FIP1L1: variants seen among roughly 807,000 people sequenced by gnomAD.
FIP1L1 encodes pre-mRNA 3'-end-processing factor FIP1.
FIP1L1 carries 21 observed loss-of-function variants against 84.6 expected under a neutral mutation model. The ratio of observed to expected loss-of-function variants is 0.25; its 90% CI spans 0.18 to 0.36. The LOEUF is 0.36. FIP1L1 is among the 10% of genes least tolerant of loss of function. FIP1L1 has a pLI of 1.00. For synonymous variants in FIP1L1, 263 were observed against 242.3 expected (o/e 1.09, Z -0.80); for missense variants, 526 against 751.1 (o/e 0.70, Z 3.50).
chr4:53,430,476 G>C (rs1766145247), intron 13 of FIP1L1, among the ~76,000 whole-genome samples: 2 of 151,002 alleles, frequency 1.3e-5, no homozygotes, highest in Non-Finnish European at 2.9e-5. Flanking sequence ...AGAGTAGCTG[G>C]TACTACAGGC....
Position 53,444,033 on chromosome 4 carries a change from CT to C in FIP1L1, c.1230-10del, listed in dbSNP as rs754554577. 24 of 1,587,964 alleles carry C rather than the reference CT, an allele frequency of 1.5e-5. No individual in the cohort carries two copies. Among genetic ancestry groups the C allele is most frequent in the Non-Finnish European group, 1.6e-5 (18 of 1,158,788 alleles). ...ATTTGTACCAGACATAAAAATATAT[CT>C]TTTTCTTCAACAGTGGACATTCCTC... is the stretch of plus-strand genomic sequence containing the variant. On this transcript the variant is annotated splice_polypyrimidine_tract_variant and intron_variant, in intron 14 of 17. Transcript: ENST00000337488.
intron 15 of FIP1L1, among the ~76,000 whole-genome samples, chr4:53,451,270 C>CT (rs1021432771): frequency 1.3e-5 from 2 of 151,610 alleles, no homozygotes; most frequent in African/African-American, 4.8e-5. Flanking sequence ...CGCGCCCAGC[C>CT]TGAAAGCTAC....
intron 13 of FIP1L1, among the ~76,000 whole-genome samples, chr4:53,437,844 G>A (rs1466785329): frequency 2.0e-5 from 3 of 152,078 alleles, no homozygotes; most frequent in South Asian, 2.1e-4. Flanking sequence ...TCCAGCCTCA[G>A]CCTCCTGAGT....
intron 5 of FIP1L1, among the ~76,000 whole-genome samples, chr4:53,384,302 C>T (rs1355275180): frequency 2.0e-5 from 3 of 151,786 alleles, no homozygotes; most frequent in Non-Finnish European, 4.4e-5. Context: ...CCAGCTACTC[C>T]AGAGACTAAG....
intron 11 of FIP1L1, among the ~76,000 whole-genome samples, chr4:53,425,484 TC>T (rs1763957677): frequency 6.6e-6 from 1 of 152,112 alleles, no homozygotes; most frequent in South Asian, 2.1e-4. Context: ...ATTTAAAGTT[TC>T]TGTAATAGAG....
At chr4:53,388,500 A>G (rs1445165024) in intron 5 of FIP1L1, among the ~76,000 whole-genome samples, 1 of 152,014 alleles carries the variant, frequency 6.6e-6, no homozygotes, top group Non-Finnish European at 1.5e-5. Context: ...ATGCCTGGCT[A>G]GTTTTTTCTA....
At chr4:53,404,153 C>T (rs1751843884) in intron 10 of FIP1L1, among the ~76,000 whole-genome samples, 1 of 105,502 alleles carries the variant, frequency 9.5e-6, no homozygotes. Flanking sequence ...AATGCTATCC[C>T]TCCCCCCTCC....
At chr4:53,412,940 TA>T (rs1757836053) in intron 10 of FIP1L1, among the ~76,000 whole-genome samples, 1 of 152,140 alleles carries the variant, frequency 6.6e-6, no homozygotes, top group Admixed American at 6.5e-5. Flanking sequence ...CATTCTACTT[TA>T]AAAATGAGCT....
rs545224651 is a variant in FIP1L1 at position 53,416,195 on chromosome 4, A to G, written c.923+1473A>G. On this transcript the variant is annotated intron_variant, in intron 11 of 17. Coordinates refer to ENST00000337488, the MANE Select transcript of FIP1L1 (RefSeq NM_030917.4). The stretch of plus-strand genomic sequence containing the variant: ...ATGTAACAACTAACTCAATTATTGC[A>G]TAGAGAAACACTTGGGTTTATATTT... Among the ~76,000 whole-genome samples the G allele has an allele frequency of 6.6e-4, 101 of 152,368 alleles. 1 individual carries two copies. Among genetic ancestry groups the G allele is most frequent in the South Asian group, 1.0e-3 (5 of 4,830 alleles).
At chr4:53,390,668 G>A (rs1349540491) in intron 7 of FIP1L1, 40 bp downstream of exon 7, 2 of 1,393,656 alleles carry the variant, frequency 1.4e-6, no homozygotes, top group Non-Finnish European at 9.9e-7. Context: ...AATATTTTCA[G>A]TGTGAAGTCA....
intron 15 of FIP1L1, among the ~76,000 whole-genome samples, chr4:53,451,245 A>T (rs1229762639): frequency 6.6e-6 from 1 of 150,980 alleles, no homozygotes; most frequent in Non-Finnish European, 1.5e-5. Context: ...TCCTGGGATT[A>T]TAGGCATGAA....
At chr4:53,413,327 C>T (rs1240951844) in intron 10 of FIP1L1, among the ~76,000 whole-genome samples, 1 of 152,036 alleles carries the variant, frequency 6.6e-6, no homozygotes, top group Non-Finnish European at 1.5e-5. Context: ...AGCTGTGCTC[C>T]TTATACTAGG....
At chr4:53,439,722 T>A (rs1771061856) in intron 13 of FIP1L1, among the ~76,000 whole-genome samples, 2 of 152,044 alleles carry the variant, frequency 1.3e-5, no homozygotes, top group South Asian at 4.1e-4. Context: ...TTTTCCTGCT[T>A]AGAAATCTCT....
chr4:53,453,273 A>G lies in FIP1L1; in HGVS notation c.1499+140A>G, dbSNP rs1717103737. The G allele has an allele frequency of 6.5e-6, 6 of 922,100 alleles. No homozygotes were observed. The Admixed American group carries it at 1.2e-4, about 18-fold the overall frequency. The allele number at this position is 922,100 out of a possible 1,614,324, so 57.1% of individuals were successfully genotyped here. On this transcript the variant is annotated intron_variant, in intron 16 of 17. Transcript: ENST00000337488. ...ATAGGAAAGCCATCTTAAAATGATA[A>G]AGGATTAGAGGCTTCCCATTACCTT...
intron 9 of FIP1L1, among the ~76,000 whole-genome samples, chr4:53,398,099 G>C (rs1237775764): frequency 6.6e-6 from 1 of 151,562 alleles, no homozygotes; most frequent in African/African-American, 2.4e-5. Flanking sequence ...TCTGATTGTT[G>C]GTGTGTTTGT....
intron 9 of FIP1L1, among the ~76,000 whole-genome samples, chr4:53,396,370 G>A (rs1474192095): frequency 6.6e-6 from 1 of 151,818 alleles, no homozygotes; most frequent in Admixed American, 6.6e-5. Flanking sequence ...AAAAGCAAAT[G>A]TTTCTATGTT....
intron 10 of FIP1L1, among the ~76,000 whole-genome samples, chr4:53,410,045 C>T (rs1756325030): frequency 1.3e-5 from 2 of 152,228 alleles, no homozygotes; most frequent in South Asian, 4.1e-4. Context: ...GAACCCGGTA[C>T]CTCAGATGGA....
intron 10 of FIP1L1, among the ~76,000 whole-genome samples, chr4:53,413,513 A>G (rs1302855463): frequency 6.6e-6 from 1 of 151,802 alleles, no homozygotes; most frequent in Non-Finnish European, 1.5e-5. Flanking sequence ...TCCCTATTCC[A>G]TATTGCATCT....
At position 53,405,647 on chromosome 4, in the gene FIP1L1, A is replaced by C. The variant is rs557423600; in HGVS notation, c.815+5808A>C. Among the ~76,000 whole-genome samples the C allele has an allele frequency of 1.4e-3, 199 of 144,768 alleles. 1 individual carries two copies. The highest frequency in any genetic ancestry group is 5.1e-3 in the African/African-American group (197 of 38,396). 95.0% of individuals were successfully genotyped at this position (144,768 alleles called of 152,430 possible). On this transcript the variant is annotated intron_variant, in intron 10 of 17. Coordinates refer to ENST00000337488, the MANE Select transcript of FIP1L1 (RefSeq NM_030917.4). The stretch of plus-strand genomic sequence containing the variant: ...GATTCTTCCTACCCATGAGCATGGA[A>C]TGTTCTTCCATTTGTTTGTGTCCTC...
Sources: gnomAD v4.1 joint callset for allele counts (sites outside exome capture counted in the v4.1 genomes callset) on GRCh38, gnomAD v4.1.1 for gene constraint, MANE v1.5 for transcripts, NCBI Gene and HGNC (gene_info 2026-07-23, HGNC 2026-07-21) for gene names.